Variants in INSL6 observed in about 807,000 individuals in gnomAD.
INSL6 encodes the protein insulin like 6.
A neutral mutation model predicts 9.4 loss-of-function variants in INSL6; 16 were observed. That is an observed-to-expected ratio of 1.70 (90% confidence interval 1.15 to 2.59). The LOEUF is 2.59. INSL6 is among the 30% of genes most tolerant of loss of function. The probability of loss-of-function intolerance (pLI) is 0.00; values close to 1 mark genes in which losing one functional copy is unlikely to be tolerated. For synonymous variants in INSL6, 154 were observed against 96.9 expected, an observed-to-expected ratio of 1.59 and a Z score of -3.46; for missense variants, 391 against 257.3, an observed-to-expected ratio of 1.52 and a Z score of -3.56.
chr9:5,070,003 A>G, the INSL6 span: 1 of 1,608,286 alleles, frequency 6.2e-7, no homozygotes, highest in Non-Finnish European at 8.5e-7. Flanking sequence ...AGGCCTACTC[A>G]TATGAACCAA....
chr9:5,027,812 T>G, the INSL6 span, among the ~76,000 whole-genome samples: 1 of 152,206 alleles, frequency 6.6e-6, no homozygotes, highest in African/African-American at 2.4e-5. Flanking sequence ...AAGCAATTCC[T>G]TATATGTCCA....
At chr9:5,068,908 C>T in the INSL6 span, 2 of 619,294 alleles carry the variant, frequency 3.2e-6, no homozygotes, top group African/African-American at 3.8e-5. Flanking sequence ...ACATCGGATT[C>T]ATGGTTCAAA....
the INSL6 span, among the ~76,000 whole-genome samples, chr9:5,001,340 T>C: frequency 6.6e-6 from 1 of 152,164 alleles, no homozygotes; most frequent in Non-Finnish European, 1.5e-5. Context: ...ATGATCTTTA[T>C]TTTATTGAGG....
intron 1 of INSL6, among the ~76,000 whole-genome samples, chr9:5,171,658 T>C (rs1223301826): frequency 1.3e-5 from 2 of 151,994 alleles, no homozygotes; most frequent in Non-Finnish European, 2.9e-5. Flanking sequence ...AGATACAAAA[T>C]CAACGTGCAA....
At chr9:5,173,106 G>A (rs1461886736) in intron 1 of INSL6, among the ~76,000 whole-genome samples, 1 of 152,144 alleles carries the variant, frequency 6.6e-6, no homozygotes, top group East Asian at 1.9e-4. Context: ...TTATTACAAA[G>A]TCAAGAAACA....
At chr9:5,150,200 G>A (rs1824683418) in intron 2 of INSL6, among the ~76,000 whole-genome samples, 1 of 152,180 alleles carries the variant, frequency 6.6e-6, no homozygotes, top group East Asian at 1.9e-4. Flanking sequence ...AAGAATTCAT[G>A]ACTAAGTCCT....
chr9:5,134,776 C>T (rs956264329), intron 2 of INSL6, among the ~76,000 whole-genome samples: 2 of 152,244 alleles, frequency 1.3e-5, no homozygotes, highest in South Asian at 4.2e-4. Context: ...GAAACTGCAT[C>T]AACTAAAGGG....
At chr9:5,014,945 G>T in the INSL6 span, among the ~76,000 whole-genome samples, 1 of 151,568 alleles carries the variant, frequency 6.6e-6, no homozygotes, top group African/African-American at 2.4e-5. Flanking sequence ...GCGGGGGCGG[G>T]GGGAGATTTG....
At chr9:5,116,784 C>T in the INSL6 span, among the ~76,000 whole-genome samples, 1 of 152,188 alleles carries the variant, frequency 6.6e-6, no homozygotes, top group African/African-American at 2.4e-5. Flanking sequence ...GCAAATTCAA[C>T]TGACAGGTCC....
the INSL6 span, among the ~76,000 whole-genome samples, chr9:4,997,895 C>G: frequency 1.3e-5 from 2 of 151,898 alleles, no homozygotes; most frequent in Non-Finnish European, 2.9e-5. Flanking sequence ...CTTATTGTTT[C>G]CTTGTTTATC....
the INSL6 span, among the ~76,000 whole-genome samples, chr9:5,076,944 T>TA: frequency 7.1e-6 from 1 of 140,864 alleles, no homozygotes; most frequent in African/African-American, 2.5e-5. Flanking sequence ...ATATATTTTT[T>TA]TAAAAAAGTT....
chr9:5,041,657 G>T, the INSL6 span: 2 of 508,984 alleles, frequency 3.9e-6, no homozygotes, highest in Non-Finnish European at 7.9e-6. Flanking sequence ...ACGACTACCT[G>T]CGGAAGCTCT....
rs549908959 is a variant in INSL6 at position 5,185,128 on chromosome 9, G to C, written c.289+186C>G. ...ACAAGTGTACATTTATTTCCTCCAAGTTAAAAAAAAAAGCGCTTCATTGAA... is the reference window on the plus strand; with the variant it reads ...ACAAGTGTACATTTATTTCCTCCAACTTAAAAAAAAAAGCGCTTCATTGAA... On this transcript the variant is annotated intron_variant, in intron 1 of 1. Transcript: ENST00000381641. Among the ~76,000 whole-genome samples, 9 of 150,888 alleles carry C rather than the reference G, an allele frequency of 6.0e-5. No individual in the cohort carries two copies. The South Asian group carries it at 1.7e-3, about 28-fold the overall frequency.
At chr9:5,179,873 G>C (rs978248800) in intron 1 of INSL6, among the ~76,000 whole-genome samples, 1 of 152,194 alleles carries the variant, frequency 6.6e-6, no homozygotes, top group African/African-American at 2.4e-5. Flanking sequence ...GAAAGTATCA[G>C]GAGGAATAGC....
intron 2 of INSL6, among the ~76,000 whole-genome samples, chr9:5,144,878 TC>T (rs1443380369): frequency 6.6e-6 from 1 of 152,210 alleles, no homozygotes; most frequent in Non-Finnish European, 1.5e-5. Flanking sequence ...GTGAGATGGG[TC>T]TCTTGAAGAT....
At chr9:5,041,940 C>T in the INSL6 span, 1 of 386,104 alleles carries the variant, frequency 2.6e-6, no homozygotes, top group African/African-American at 2.1e-5. Flanking sequence ...GCTGTTTCTT[C>T]CCCCTGAATC....
chr9:5,024,212 C>T, the INSL6 span, among the ~76,000 whole-genome samples: 74 of 152,182 alleles, frequency 4.9e-4, no homozygotes, highest in Non-Finnish European at 8.1e-4. Flanking sequence ...GCCGAGATTG[C>T]GCCACTGCAC....
the INSL6 span, chr9:5,098,193 A>G: frequency 6.6e-6 from 1 of 152,150 alleles, no homozygotes; most frequent in Admixed American, 6.5e-5. Context: ...ACCTACATTA[A>G]ACCCTTAAAT....
the INSL6 span, among the ~76,000 whole-genome samples, chr9:5,049,295 A>G: frequency 6.6e-6 from 1 of 152,234 alleles, no homozygotes; most frequent in Non-Finnish European, 1.5e-5. Context: ...AGGTCATTCA[A>G]GGGTACCTGC....
Sources: allele counts gnomAD v4.1 joint callset (sites outside exome capture counted in the v4.1 genomes callset), GRCh38; gene constraint gnomAD v4.1.1; transcripts MANE v1.5; gene names NCBI Gene and HGNC (gene_info 2026-07-23, HGNC 2026-07-21).